The following MARCHF1 variants were observed in gnomAD, a reference collection of about 807,000 sequenced individuals.
MARCHF1 encodes the protein E3 ubiquitin-protein ligase MARCHF1.
A neutral mutation model predicts 54.2 loss-of-function variants in MARCHF1; 40 were observed. The observed-to-expected ratio is 0.74, with a 90% CI of 0.57 to 0.96. MARCHF1 has a LOEUF of 0.96. Among genes scored for constraint, MARCHF1 ranks in the 40% least tolerant of loss-of-function variants. The pLI, the probability that MARCHF1 is intolerant of heterozygous loss-of-function variation, is 0.00. For synonymous variants in MARCHF1, 236 were observed against 236.3 expected, an observed-to-expected ratio of 1.00 and a Z score of 0.01; for missense variants, 586 against 656.5, an observed-to-expected ratio of 0.89 and a Z score of 1.17.
intron 3 of MARCHF1, among the ~76,000 whole-genome samples, chr4:163,899,763 TACACACACACACAC>T (rs70948674): frequency 2.0e-5 from 3 of 148,752 alleles, no homozygotes; most frequent in Non-Finnish European, 3.0e-5. Flanking sequence ...TCTCACCCAC[TACACACACACACAC>T]ACACACACAC....
chr4:164,136,402 C>T (rs1245121616), intron 1 of MARCHF1, among the ~76,000 whole-genome samples: 1 of 151,984 alleles, frequency 6.6e-6, no homozygotes, highest in East Asian at 1.9e-4. Context: ...GACTGAAACT[C>T]CTTCCACAAG....
At chr4:164,075,614 T>C (rs1754960950) in intron 2 of MARCHF1, among the ~76,000 whole-genome samples, 1 of 152,246 alleles carries the variant, frequency 6.6e-6, no homozygotes, top group African/African-American at 2.4e-5. Context: ...CATGGCATTG[T>C]TGTGGTAACA....
intron 3 of MARCHF1, among the ~76,000 whole-genome samples, chr4:163,948,051 C>A (rs1752057819): frequency 6.6e-6 from 1 of 152,264 alleles, no homozygotes; most frequent in South Asian, 2.1e-4. Context: ...CATGATTTGC[C>A]TTCTCACCAA....
chr4:163,992,665 TGAAAG>T (rs990912863), intron 2 of MARCHF1, among the ~76,000 whole-genome samples: 5 of 151,050 alleles, frequency 3.3e-5, no homozygotes, highest in Admixed American at 3.3e-4. Context: ...GATCACCACT[TGAAAG>T]GAGAGAGGAA....
intron 4 of MARCHF1, among the ~76,000 whole-genome samples, chr4:163,851,351 TG>T (rs1749636782): frequency 6.6e-6 from 1 of 152,210 alleles, no homozygotes; most frequent in Non-Finnish European, 1.5e-5. Flanking sequence ...AGCAGGATTG[TG>T]CCTGTGATTG....
At chr4:163,752,981 T>A (rs1344858859) in intron 4 of MARCHF1, among the ~76,000 whole-genome samples, 1 of 152,198 alleles carries the variant, frequency 6.6e-6, no homozygotes, top group Non-Finnish European at 1.5e-5. Flanking sequence ...AATGGCAATT[T>A]TCTTCAACAG....
At chr4:163,725,085 G>A (rs563152077) in intron 4 of MARCHF1, among the ~76,000 whole-genome samples, 31 of 152,196 alleles carry the variant, frequency 2.0e-4, no homozygotes, top group Non-Finnish European at 1.5e-4. Flanking sequence ...GAAATCACCC[G>A]TCTGCGTCGC....
At chr4:163,539,017 A>G (rs1030116699) in intron 9 of MARCHF1, among the ~76,000 whole-genome samples, 1 of 151,488 alleles carries the variant, frequency 6.6e-6, no homozygotes, top group Non-Finnish European at 1.5e-5. Context: ...TTATTTATTT[A>G]TTTATTTATT....
At chr4:163,829,934 T>C (rs542602938) in intron 4 of MARCHF1, among the ~76,000 whole-genome samples, 14 of 152,346 alleles carry the variant, frequency 9.2e-5, no homozygotes, top group Non-Finnish European at 1.9e-4. Flanking sequence ...AAACTAATTT[T>C]TCAAATAGCA....
At chr4:164,125,648 G>A (rs895125333) in intron 1 of MARCHF1, among the ~76,000 whole-genome samples, 4 of 152,154 alleles carry the variant, frequency 2.6e-5, no homozygotes, top group African/African-American at 7.2e-5. Flanking sequence ...CGTTGGATCT[G>A]CTATACCAGG....
At chr4:163,800,193 T>C (rs1748039243) in intron 4 of MARCHF1, among the ~76,000 whole-genome samples, 1 of 151,970 alleles carries the variant, frequency 6.6e-6, no homozygotes, top group African/African-American at 2.4e-5. Flanking sequence ...ACCTGGGGAA[T>C]GGAATTATTT....
chr4:164,172,635 T>A (rs1294549383), intron 1 of MARCHF1, among the ~76,000 whole-genome samples: 1 of 152,170 alleles, frequency 6.6e-6, no homozygotes, highest in Non-Finnish European at 1.5e-5. Context: ...TTAGGAAGTT[T>A]AAAAGAATTA....
At position 163,711,071 on chromosome 4, in the gene MARCHF1, A is replaced by T. The variant is rs35249430; in HGVS notation, c.112-10208T>A. ...TGACCAGAGGTGTGGCAAACTTCTT[A>T]ATAAGACAAACAGAAGTTTTGTAAA... On this transcript the variant is annotated intron_variant, in intron 4 of 9. Coordinates refer to ENST00000514618, the MANE Select transcript of MARCHF1 (RefSeq NM_001394959.1). 2.0e-5 allele frequency among the ~76,000 whole-genome samples: 3 copies of T among 152,024 alleles called. No individual in the cohort carries two copies. In the East Asian group the frequency reaches 5.8e-4, roughly 30 times the overall value.
Position 164,140,336 on chromosome 4 carries a change from C to G in MARCHF1, c.-322-28674G>C, listed in dbSNP as rs531213120. Among the ~76,000 whole-genome samples the G allele has an allele frequency of 1.5e-4, 23 of 151,560 alleles. No homozygotes were observed. In the South Asian group the frequency reaches 4.8e-3, roughly 32 times the overall value. On this transcript the variant is annotated intron_variant, in intron 1 of 9. Transcript: ENST00000514618. ...TAAACAAAAAAATCAACCCTCAAAG[C>G]CTTGAACTTGAGAAATTTACATTTG...
At chr4:163,625,559 T>C (rs1230633619) in intron 5 of MARCHF1, among the ~76,000 whole-genome samples, 1 of 152,210 alleles carries the variant, frequency 6.6e-6, no homozygotes, top group Non-Finnish European at 1.5e-5. Flanking sequence ...CTATGCTGAT[T>C]GCAGTAGAGA....
At chr4:163,855,291 A>G (rs1405081623) in intron 3 of MARCHF1, among the ~76,000 whole-genome samples, 2 of 152,182 alleles carry the variant, frequency 1.3e-5, no homozygotes, top group Non-Finnish European at 2.9e-5. Flanking sequence ...ATCTAATATG[A>G]GTGACTCATT....
At chr4:164,018,093 G>A (rs573792262) in intron 2 of MARCHF1, among the ~76,000 whole-genome samples, 14 of 151,846 alleles carry the variant, frequency 9.2e-5, no homozygotes, top group South Asian at 2.1e-4. Flanking sequence ...GGTAATATCC[G>A]TGTATATATT....
chr4:164,164,149 A>G (rs111674820), intron 1 of MARCHF1, among the ~76,000 whole-genome samples: 1,870 of 152,068 alleles, frequency 0.012, 38 homozygotes, highest in East Asian at 0.088. Flanking sequence ...CTCAAGTAAA[A>G]TACTTCAACT....
intron 1 of MARCHF1, among the ~76,000 whole-genome samples, chr4:164,264,385 C>T (rs1025457507): frequency 3.3e-5 from 5 of 151,806 alleles, no homozygotes; most frequent in African/African-American, 1.2e-4. Flanking sequence ...CTATTGGGTA[C>T]TAGGTTTAAT....
Sources: allele counts gnomAD v4.1 joint callset (sites outside exome capture counted in the v4.1 genomes callset), GRCh38; gene constraint gnomAD v4.1.1; transcripts MANE v1.5; gene names NCBI Gene and HGNC (gene_info 2026-07-23, HGNC 2026-07-21).